Variants in MARCHF1 observed in about 807,000 individuals in gnomAD.
The protein encoded by MARCHF1 is membrane associated ring-CH-type finger 1, also known as E3 ubiquitin-protein ligase MARCHF1.
In MARCHF1, 40 loss-of-function variants were observed where a neutral mutation model predicts 54.2. The observed-to-expected ratio is 0.74, with a 90% CI of 0.57 to 0.96. The LOEUF (loss-of-function observed/expected upper bound fraction) is 0.96, where lower values mean the gene tolerates loss of function less well. MARCHF1 is among the 40% of genes least tolerant of loss of function. MARCHF1 has a pLI of 0.00. For synonymous variants in MARCHF1, 236 were observed against 236.3 expected, an observed-to-expected ratio of 1.00 and a Z score of 0.01; for missense variants, 586 against 656.5, an observed-to-expected ratio of 0.89 and a Z score of 1.17.
chr4:163,546,095 C>A (rs1215151715), intron 8 of MARCHF1, among the ~76,000 whole-genome samples: 1 of 151,886 alleles, frequency 6.6e-6, no homozygotes, highest in African/African-American at 2.4e-5. Flanking sequence ...TGCCTCAGCC[C>A]CCAGAGTAGC....
chr4:163,594,507 C>G (rs1279667336), intron 7 of MARCHF1, among the ~76,000 whole-genome samples: 3 of 151,858 alleles, frequency 2.0e-5, no homozygotes, highest in South Asian at 4.1e-4. Context: ...CACACACACA[C>G]AAACACACAC....
At chr4:164,212,168 TAAC>T (rs1278713738) in intron 1 of MARCHF1, among the ~76,000 whole-genome samples, 2 of 152,056 alleles carry the variant, frequency 1.3e-5, no homozygotes, top group Non-Finnish European at 2.9e-5. Context: ...ACAAAAACAA[TAAC>T]AACTATTTAA....
chr4:163,736,250 A>T (rs1210050314), intron 4 of MARCHF1, among the ~76,000 whole-genome samples: 1 of 152,116 alleles, frequency 6.6e-6, no homozygotes, highest in Non-Finnish European at 1.5e-5. Context: ...TAAGTAAAAT[A>T]GGGGTTACTT....
intron 4 of MARCHF1, among the ~76,000 whole-genome samples, chr4:163,791,485 T>C (rs1186463778): frequency 6.6e-6 from 1 of 152,114 alleles, no homozygotes; most frequent in Non-Finnish European, 1.5e-5. Context: ...AAATAATTTG[T>C]CAATCAAAAA....
intron 4 of MARCHF1, among the ~76,000 whole-genome samples, chr4:163,825,684 C>T (rs1177099495): frequency 6.6e-6 from 1 of 151,832 alleles, no homozygotes; most frequent in Non-Finnish European, 1.5e-5. Context: ...TTGTATTTTT[C>T]TAATGATTAG....
intron 4 of MARCHF1, among the ~76,000 whole-genome samples, chr4:163,717,643 T>C (rs1161910626): frequency 6.6e-6 from 1 of 152,182 alleles, no homozygotes; most frequent in Non-Finnish European, 1.5e-5. Context: ...TTTCTCCACA[T>C]CCTCTCCAGC....
chr4:164,078,527 T>C (rs1329053416), intron 2 of MARCHF1, among the ~76,000 whole-genome samples: 4 of 125,674 alleles, frequency 3.2e-5, no homozygotes, highest in Admixed American at 8.4e-5. Context: ...TAAAGTTTAA[T>C]AAATAAATAA....
intron 1 of MARCHF1, among the ~76,000 whole-genome samples, chr4:164,157,741 A>C (rs1730115648): frequency 6.6e-6 from 1 of 152,170 alleles, no homozygotes; most frequent in South Asian, 2.1e-4. Flanking sequence ...CTTCTCAAAA[A>C]GACACCAGTA....
At chr4:164,323,597 CAAAAAAAA>C (rs70952622) in intron 1 of MARCHF1, among the ~76,000 whole-genome samples, 1 of 30,928 alleles carries the variant, frequency 3.2e-5, no homozygotes, top group African/African-American at 1.6e-4. Context: ...GGATGAGTAG[CAAAAAAAA>C]AAAAAAAAAA....
At chr4:163,956,293 A>T (rs146728956) in intron 3 of MARCHF1, among the ~76,000 whole-genome samples, 166 of 152,268 alleles carry the variant, frequency 1.1e-3, no homozygotes, top group African/African-American at 3.8e-3. Context: ...TTTACTGAAA[A>T]TGTCTAACAT....
chr4:164,155,644 T>C (rs951748385), intron 1 of MARCHF1, among the ~76,000 whole-genome samples: 3 of 152,080 alleles, frequency 2.0e-5, no homozygotes, highest in African/African-American at 7.2e-5. Flanking sequence ...TACATTGACA[T>C]AGAGGATGGA....
chr4:163,640,022 A>G (rs1742496880), intron 5 of MARCHF1, among the ~76,000 whole-genome samples: 1 of 152,120 alleles, frequency 6.6e-6, no homozygotes, highest in Non-Finnish European at 1.5e-5. Context: ...AGAGTTTACC[A>G]GTGCTTGCAG....
At chr4:163,638,539 T>C (rs1435214760) in intron 5 of MARCHF1, among the ~76,000 whole-genome samples, 1 of 152,178 alleles carries the variant, frequency 6.6e-6, no homozygotes, top group African/African-American at 2.4e-5. Flanking sequence ...CTGTGCTTCC[T>C]CTACAATCTG....
At chr4:163,541,059 G>T (rs1433923897) in intron 9 of MARCHF1, among the ~76,000 whole-genome samples, 1 of 152,184 alleles carries the variant, frequency 6.6e-6, no homozygotes, top group African/African-American at 2.4e-5. Context: ...CAGTGACCAA[G>T]GGAGAGCTAG....
chr4:164,037,026 A>G (rs1754020085), intron 2 of MARCHF1, among the ~76,000 whole-genome samples: 1 of 152,166 alleles, frequency 6.6e-6, no homozygotes, highest in African/African-American at 2.4e-5. Context: ...TTAATTTAAT[A>G]TGGGGGGAAT....
chr4:163,824,831 G>A (rs1442615844), intron 4 of MARCHF1, among the ~76,000 whole-genome samples: 1 of 115,942 alleles, frequency 8.6e-6, no homozygotes, highest in African/African-American at 3.0e-5. Flanking sequence ...GTGGGCGAAG[G>A]ACATGAACAG....
intron 2 of MARCHF1, among the ~76,000 whole-genome samples, chr4:164,076,438 T>G (rs1013536859): frequency 6.6e-6 from 1 of 152,198 alleles, no homozygotes; most frequent in African/African-American, 2.4e-5. Context: ...AATATCATAT[T>G]TAATGGGCAA....
chr4:163,784,575 A>C (rs1375643442), intron 4 of MARCHF1, among the ~76,000 whole-genome samples: 1 of 152,136 alleles, frequency 6.6e-6, no homozygotes, highest in African/African-American at 2.4e-5. Flanking sequence ...GAGACTAAAA[A>C]TTTAGCAGTA....
At chr4:163,535,380 C>T (rs1260858630) in intron 9 of MARCHF1, among the ~76,000 whole-genome samples, 1 of 152,126 alleles carries the variant, frequency 6.6e-6, no homozygotes, top group Non-Finnish European at 1.5e-5. Context: ...ATTCTCCCTT[C>T]TTCTCCCCCT....
Sources: gnomAD v4.1 joint callset for allele counts (sites outside exome capture counted in the v4.1 genomes callset) on GRCh38, gnomAD v4.1.1 for gene constraint, MANE v1.5 for transcripts, NCBI Gene and HGNC (gene_info 2026-07-23, HGNC 2026-07-21) for gene names.